Variants in DEAF1 observed in about 807,000 individuals in gnomAD.
DEAF1 encodes DEAF1 transcription factor.
In DEAF1, 53 loss-of-function variants were observed where a neutral mutation model predicts 58.9. That is an observed-to-expected ratio of 0.90 (90% confidence interval 0.72 to 1.13). DEAF1 has a LOEUF of 1.13. Ranked by LOEUF, DEAF1 falls within the 50% of genes most tolerant of loss-of-function variation. DEAF1 has a pLI of 0.00. For synonymous variants in DEAF1, 385 were observed against 340.4 expected (o/e 1.13, Z -1.44); for missense variants, 685 against 791.4 (o/e 0.87, Z 1.61).
In DEAF1 at chr11:654,605, C is replaced by T. The variant is rs561690689; in HGVS notation, c.1504-554G>A. The T allele has an allele frequency of 2.9e-4, 134 of 455,206 alleles. 3 individuals carry two copies. The highest frequency in any genetic ancestry group is 1.7e-3 in the South Asian group (108 of 64,552). 28.2% of individuals were successfully genotyped at this position (455,206 alleles called of 1,614,324 possible). A position where few individuals can be genotyped will look rare whatever the true frequency, so the allele number is the denominator to read the frequency against. On this transcript the variant is annotated intron_variant, in intron 10 of 11. Coordinates refer to ENST00000382409, the MANE Select transcript of DEAF1 (RefSeq NM_021008.4). Reference sequence around the variant, plus strand: ...GAAGACCAGTATGGGCCGGGAGCAGCGGCTCATACCTGTAATCCCAGGACT... The same window carrying T: ...GAAGACCAGTATGGGCCGGGAGCAGTGGCTCATACCTGTAATCCCAGGACT...
At chr11:680,382 A>C (rs1183575706) in intron 7 of DEAF1, among the ~76,000 whole-genome samples, 1 of 152,218 alleles carries the variant, frequency 6.6e-6, no homozygotes, top group Non-Finnish European at 1.5e-5. Context: ...CTTAGTTAAC[A>C]AAAGCCTATT....
In DEAF1 at chr11:644,503, TCA is replaced by T. The variant is rs756513735; in HGVS notation, c.*45_*46del. ...GGGGGGCCTTCGACCTGCAAAAGCC[TCA>T]CAGGAGTGCGAGGGGCCCCAGCTCC... On this transcript the variant is annotated 3_prime_UTR_variant, in exon 12 of 12. Coordinates refer to ENST00000382409, the MANE Select transcript of DEAF1 (RefSeq NM_021008.4). The surrounding 1 kb of genome is among the most constrained non-coding windows in gnomAD (Gnocchi z 4.3). The T allele has an allele frequency of 2.0e-6, 3 of 1,506,764 alleles. No homozygotes were observed. In the African/African-American group the frequency reaches 4.1e-5, roughly 21 times the overall value. 93.3% of individuals were successfully genotyped at this position (1,506,764 alleles called of 1,614,324 possible).
chr11:674,083 A>C, intron 10 of DEAF1: 1 of 265,528 alleles, frequency 3.8e-6, no homozygotes, highest in Admixed American at 5.0e-5. Context: ...AACGTGCCAG[A>C]AGCTGGGAGG....
At chr11:680,822 G>T in intron 7 of DEAF1, 141 bp downstream of exon 7, 2 of 1,251,962 alleles carry the variant, frequency 1.6e-6, no homozygotes, top group South Asian at 1.3e-5. Context: ...CTGCAAAGGA[G>T]TGTGATGGCG....
At chr11:658,166 C>T (rs536508384) in intron 10 of DEAF1, among the ~76,000 whole-genome samples, 2 of 152,336 alleles carry the variant, frequency 1.3e-5, no homozygotes, top group East Asian at 1.9e-4. Flanking sequence ...CGGTGGCTCA[C>T]GCCTGTAATC....
chr11:698,891 A>T, upstream of DEAF1: 1 of 1,614,104 alleles, frequency 6.2e-7, no homozygotes, highest in South Asian at 1.1e-5. Context: ...CCACAGTGGT[A>T]TCCTGCTGCG....
At chr11:676,668 C>A (rs12287651) in intron 9 of DEAF1, among the ~76,000 whole-genome samples, 3 of 151,596 alleles carry the variant, frequency 2.0e-5, no homozygotes, top group Middle Eastern at 6.3e-3. Context: ...CCAGGCCTGG[C>A]TAATTTTGTA....
intron 1 of DEAF1, chr11:700,620 G>T (rs1398068634): frequency 1.2e-6 from 2 of 1,613,984 alleles, no homozygotes; most frequent in Admixed American, 3.3e-5. Flanking sequence ...TTCAGGTCAG[G>T]TGTTCAGCTA....
At chr11:696,851 G>A (rs2133449590), upstream of DEAF1, among the ~76,000 whole-genome samples, 1 of 99,538 alleles carries the variant, frequency 1.0e-5, no homozygotes, top group Non-Finnish European at 2.2e-5. Context: ...AGGCCAAAGC[G>A]GGCGGATCAC....
At chr11:655,605 A>G (rs976217458) in intron 10 of DEAF1, among the ~76,000 whole-genome samples, 2 of 151,066 alleles carry the variant, frequency 1.3e-5, no homozygotes, top group Non-Finnish European at 3.0e-5. Context: ...AGAGCAGCAC[A>G]GGAAACGACT....
At chr11:687,041 T>TCA in intron 4 of DEAF1, 44 bp from the exon 5 acceptor site, 1 of 1,612,170 alleles carries the variant, frequency 6.2e-7, no homozygotes, top group Non-Finnish European at 8.5e-7. Flanking sequence ...GGTGGGAACG[T>TCA]CACCTCTGCC....
intron 6 of DEAF1, among the ~76,000 whole-genome samples, chr11:681,559 C>T (rs1171651201): frequency 3.9e-5 from 6 of 152,052 alleles, no homozygotes; most frequent in South Asian, 4.2e-4. Flanking sequence ...TACAGGCGCC[C>T]GCCACCAAGC....
chr11:644,766 G>A lies in DEAF1; in HGVS notation c.1594-112C>T. On this transcript the variant is annotated intron_variant, in intron 11 of 11. Coordinates refer to ENST00000382409, the MANE Select transcript of DEAF1 (RefSeq NM_021008.4). This position sits in a 1 kb window ranked among gnomAD's most constrained non-coding sequence, Gnocchi z 4.3. ...CAGCCCTCTGTAACCTCACCTGGAG[G>A]TGCTGAGAATGCCCTCCCCAGCCCC... The A allele has an allele frequency of 1.2e-6, 1 of 848,320 alleles. No individual in the cohort carries two copies. Among genetic ancestry groups the A allele is most frequent in the Non-Finnish European group, 1.9e-6 (1 of 519,734 alleles). 52.5% of individuals were successfully genotyped at this position (848,320 alleles called of 1,614,324 possible). A position where few individuals can be genotyped will look rare whatever the true frequency, so the allele number is the denominator to read the frequency against.
rs1013773368 is a variant in DEAF1, at chr11:674,654, G to A, written c.1385C>T (p.Ser462Phe). The change falls in exon 10 of 12, where the codon TCC (serine) becomes TTC (phenylalanine). Residue 462 changes from serine to phenylalanine, a missense_variant. This residue lies in a region of DEAF1 where 343 missense variants were observed against 379.8 expected (regional missense o/e 0.90). Transcript: ENST00000382409. ...SWLYLEEMVN[S>F]LLNTAQQLKT... ...CAGCTGCTGCGCTGTGTTGAGCAAG[G>A]AGTTGACCATCTCTTCTAGGTACAG... 6.2e-7 allele frequency: 1 copy of A among 1,614,088 alleles called. No homozygotes were observed. The highest frequency in any genetic ancestry group is 8.5e-7 in the Non-Finnish European group (1 of 1,180,038).
chr11:645,775 G>A (rs1344665995), intron 11 of DEAF1, among the ~76,000 whole-genome samples: 2 of 152,206 alleles, frequency 1.3e-5, no homozygotes, highest in African/African-American at 4.8e-5. Context: ...CGAGCACCTC[G>A]GAATGGAGCA....
rs1360803095 is a variant in DEAF1 at position 677,599 on chromosome 11, C to T, written c.1255+1095G>A. Among the ~76,000 whole-genome samples, 4 of 106,844 alleles carry T rather than the reference C, an allele frequency of 3.7e-5. 1 individual carries two copies. Among genetic ancestry groups the T allele is most frequent in the African/African-American group, 1.1e-4 (4 of 35,138 alleles). 70.1% of individuals were successfully genotyped at this position (106,844 alleles called of 152,430 possible). ...GTGACAGTGAAAAATGGAAAACATG[C>T]ATTTGCCACCAGCAGGGGAGGGTTC... is the stretch of plus-strand genomic sequence containing the variant. On this transcript the variant is annotated intron_variant, in intron 9 of 11. Transcript: ENST00000382409.
chr11:691,225 C>T (rs959438478), intron 2 of DEAF1, among the ~76,000 whole-genome samples: 1 of 152,260 alleles, frequency 6.6e-6, no homozygotes, highest in African/African-American at 2.4e-5. Context: ...CGGACAGCAG[C>T]CTGCTGGGAG....
At chr11:674,483 T>TGGC in intron 10 of DEAF1, 53 bp downstream of exon 10, 2 of 1,612,286 alleles carry the variant, frequency 1.2e-6, no homozygotes, top group Non-Finnish European at 1.7e-6. Flanking sequence ...GGCACCAGGG[T>TGGC]GGCCTGGGGT....
chr11:702,289 C>T (rs1476218847), intron 1 of DEAF1, among the ~76,000 whole-genome samples: 1 of 152,260 alleles, frequency 6.6e-6, no homozygotes, highest in African/African-American at 2.4e-5. Flanking sequence ...CCAGGGCGGG[C>T]ACTGCTGGGA....
Sources: gnomAD v4.1 joint callset for allele counts (sites outside exome capture counted in the v4.1 genomes callset) on GRCh38, gnomAD v4.1.1 for gene constraint, gnomAD v4.1.1 regional missense constraint, Gnocchi (gnomAD v3.1) non-coding constraint, MANE v1.5 for transcripts, NCBI Gene and HGNC (gene_info 2026-07-23, HGNC 2026-07-21) for gene names.